The following SEMA5A variants were observed in gnomAD, a reference collection of about 807,000 sequenced individuals.
The protein encoded by SEMA5A is semaphorin-5A.
SEMA5A carries 55 observed loss-of-function variants against 135.5 expected under a neutral mutation model. The ratio of observed to expected loss-of-function variants is 0.41; its 90% CI spans 0.33 to 0.51. The LOEUF (loss-of-function observed/expected upper bound fraction) is 0.51. Among genes scored for constraint, SEMA5A ranks in the 20% least tolerant of loss-of-function variants. The probability of loss-of-function intolerance (pLI) is 0.37; values close to 1 mark genes in which losing one functional copy is unlikely to be tolerated. For missense variants in SEMA5A, 1,290 were observed against 1,419.9 expected (o/e 0.91, Z 1.47); for synonymous variants, 580 against 546.5 (o/e 1.06, Z -0.85).
At chr5:9,521,681 A>G (rs990037734) in intron 1 of SEMA5A, among the ~76,000 whole-genome samples, 2 of 152,086 alleles carry the variant, frequency 1.3e-5, no homozygotes, top group African/African-American at 4.8e-5. Flanking sequence ...GTTTTTCCCT[A>G]TTGGTCCCAG....
intron 4 of SEMA5A, among the ~76,000 whole-genome samples, chr5:9,322,464 C>T (rs1752672872): frequency 6.6e-6 from 1 of 152,124 alleles, no homozygotes; most frequent in Admixed American, 6.5e-5. Context: ...ATCACCATCA[C>T]CACATCCAAT....
intron 1 of SEMA5A, among the ~76,000 whole-genome samples, chr5:9,531,944 A>G (rs268544): frequency 0.34 from 51,953 of 152,040 alleles, 9,063 homozygotes; most frequent in African/African-American, 0.4. Context: ...ATAGATGACC[A>G]TCTCTCTATG....
chr5:9,196,059 C>T (rs545603143), intron 10 of SEMA5A, among the ~76,000 whole-genome samples: 1 of 152,362 alleles, frequency 6.6e-6, no homozygotes, highest in Admixed American at 6.5e-5. Flanking sequence ...CACCAGTGTG[C>T]AAGCTGATCT....
At chr5:9,337,200 C>A (rs762347631) in intron 4 of SEMA5A, among the ~76,000 whole-genome samples, 1 of 152,074 alleles carries the variant, frequency 6.6e-6, no homozygotes, top group Non-Finnish European at 1.5e-5. Context: ...TGGTATATGG[C>A]CTAATCAAGG....
intron 5 of SEMA5A, among the ~76,000 whole-genome samples, chr5:9,258,803 CTTTTTTT>C (rs748703578): frequency 2.9e-4 from 14 of 48,990 alleles, no homozygotes; most frequent in East Asian, 1.6e-3. Context: ...TTCTTTCTTT[CTTTTTTT>C]TTTTTTTTTT....
intron 18 of SEMA5A, among the ~76,000 whole-genome samples, chr5:9,057,501 C>T (rs996666048): frequency 1.4e-4 from 22 of 152,332 alleles, no homozygotes; most frequent in Admixed American, 9.8e-4. Flanking sequence ...CTCACACATA[C>T]ACCAACTGTC....
chr5:9,227,582 G>C (rs377320538), intron 6 of SEMA5A, among the ~76,000 whole-genome samples: 1 of 131,758 alleles, frequency 7.6e-6, no homozygotes. Flanking sequence ...ACGGAGTCTC[G>C]CTCTGTCGCC....
rs375415700 is a variant in SEMA5A at position 9,532,403 on chromosome 5, T to C, written c.-175+13181A>G. Among the ~76,000 whole-genome samples, 469 of 151,928 alleles carry C rather than the reference T, an allele frequency of 3.1e-3. 6 individuals carry two copies. Among genetic ancestry groups the C allele is most frequent in the South Asian group, 0.028 (135 of 4,798 alleles). ...GCCTCAGCCTCCCAAGTAGCTGGGA[T>C]TACAGGTGCCTGCCACCATGCCCAG... On this transcript the variant is annotated intron_variant, in intron 1 of 22. Transcript: ENST00000382496.
intron 16 of SEMA5A, among the ~76,000 whole-genome samples, chr5:9,081,403 C>T (rs1325965500): frequency 1.3e-5 from 2 of 152,026 alleles, no homozygotes; most frequent in Non-Finnish European, 2.9e-5. Flanking sequence ...CCCTAATATA[C>T]ATTTATGTAT....
At chr5:9,181,506 C>T (rs1368400671) in intron 11 of SEMA5A, among the ~76,000 whole-genome samples, 1 of 152,078 alleles carries the variant, frequency 6.6e-6, no homozygotes, top group Non-Finnish European at 1.5e-5. Flanking sequence ...CCCTGGCACC[C>T]CACCAAACAC....
chr5:9,461,866 G>A (rs1406359961), intron 1 of SEMA5A, among the ~76,000 whole-genome samples: 1 of 152,202 alleles, frequency 6.6e-6, no homozygotes. Flanking sequence ...ACAGATGCTT[G>A]GCATTTATCA....
At chr5:9,483,734 G>A (rs1759969144) in intron 1 of SEMA5A, among the ~76,000 whole-genome samples, 1 of 152,120 alleles carries the variant, frequency 6.6e-6, no homozygotes, top group African/African-American at 2.4e-5. Flanking sequence ...TATATCAAAA[G>A]ATACAGAAGA....
chr5:9,244,537 T>C (rs1748383901), intron 5 of SEMA5A, among the ~76,000 whole-genome samples: 1 of 152,202 alleles, frequency 6.6e-6, no homozygotes, highest in Non-Finnish European at 1.5e-5. Context: ...TAGCCATATA[T>C]GTATATGTGA....
intron 16 of SEMA5A, among the ~76,000 whole-genome samples, chr5:9,084,288 C>G (rs1738558819): frequency 6.6e-6 from 1 of 152,150 alleles, no homozygotes; most frequent in African/African-American, 2.4e-5. Flanking sequence ...GCAGCCCCAA[C>G]TGAGAGACAA....
intron 3 of SEMA5A, among the ~76,000 whole-genome samples, chr5:9,354,009 T>C (rs1158473647): frequency 2.7e-5 from 4 of 150,750 alleles, no homozygotes; most frequent in Non-Finnish European, 5.9e-5. Context: ...CTGACATTTA[T>C]GGTTTCAGGG....
In SEMA5A at chr5:9,063,040, C is replaced by A. The variant is rs1456126471; in HGVS notation, c.2365G>T (p.Ala789Ser). 1 of 1,614,228 alleles carries A rather than the reference C, an allele frequency of 6.2e-7. No individual in the cohort carries two copies. The highest frequency in any genetic ancestry group is 8.5e-7 in the Non-Finnish European group (1 of 1,180,042). ...SAHTVNGAWS[A>S]WTSWSQCSRD... ...CTGCACTGTGACCACGACGTCCAGG[C>A]TGACCAAGCCCCGTTGACCGTGTGG... The change falls in exon 18 of 23, where the codon GCC (alanine) becomes TCC (serine). Residue 789 changes from alanine (A) to serine (S), a missense_variant. Physicochemically the swap from Ala to Ser is moderately conservative, Grantham distance 99 (BLOSUM62 1). Coordinates refer to ENST00000382496, the MANE Select transcript of SEMA5A (RefSeq NM_003966.3).
Position 9,066,507 on chromosome 5 carries a change from G to A in SEMA5A, c.2213C>T (p.Ala738Val), listed in dbSNP as rs761737666. ...TCCCACTTCCAGCAAATTCGGATCA[G>A]CCAGGCGGGCTTTGCATGTGTATCG... is the stretch of plus-strand genomic sequence containing the variant. ...RFRYTCKARL[A>V]DPNLLEVGRQ... The change falls in exon 17 of 23, where the codon GCT becomes GTT. Residue 738 changes from alanine to valine, a missense_variant. Physicochemically the swap from Ala to Val is moderately conservative, Grantham distance 64 (BLOSUM62 0). Around this residue, in one of 3 missense-constraint regions of SEMA5A, gnomAD observed 1,029 missense variants for 1,086.6 expected, o/e 0.95. Transcript: ENST00000382496. 6.2e-7 allele frequency: 1 copy of A among 1,614,162 alleles called. No homozygotes were observed. Among genetic ancestry groups the A allele is most frequent in the Admixed American group, 1.7e-5 (1 of 60,022 alleles).
At chr5:9,238,085 G>A (rs1382147742) in intron 5 of SEMA5A, among the ~76,000 whole-genome samples, 195 bp from the exon 6 acceptor site, 2 of 152,104 alleles carry the variant, frequency 1.3e-5, no homozygotes, top group Admixed American at 6.6e-5. Flanking sequence ...TAATATTGAA[G>A]CATAAGGACC....
At chr5:9,384,661 T>TAGATAGATAGATAG (rs1214516553) in intron 2 of SEMA5A, among the ~76,000 whole-genome samples, 2 of 66,526 alleles carry the variant, frequency 3.0e-5, no homozygotes, top group African/African-American at 5.7e-5. Flanking sequence ...GATAGATAGA[T>TAGATAGATAGATAG]ATAGATAGAT....
Sources: gnomAD v4.1 joint callset for allele counts (sites outside exome capture counted in the v4.1 genomes callset) on GRCh38, gnomAD v4.1.1 for gene constraint, gnomAD v4.1.1 regional missense constraint, MANE v1.5 for transcripts, NCBI Gene and HGNC (gene_info 2026-07-23, HGNC 2026-07-21) for gene names.